The following PDYN variants were observed in gnomAD, a reference collection of about 807,000 sequenced individuals.
PDYN encodes the protein prodynorphin.
PDYN carries 5 observed loss-of-function variants against 11.4 expected under a neutral mutation model. That is an observed-to-expected ratio of 0.44 (90% CI 0.23 to 0.92). The LOEUF (loss-of-function observed/expected upper bound fraction) is 0.92, where lower values mean the gene tolerates loss of function less well. Among genes scored for constraint, PDYN ranks in the 40% least tolerant of loss-of-function variants. PDYN has a pLI of 0.24. For missense variants in PDYN, 337 were observed against 317.3 expected, an observed-to-expected ratio of 1.06 and a Z score of -0.47; for synonymous variants, 132 against 129.5, an observed-to-expected ratio of 1.02 and a Z score of -0.13.
intron 3 of PDYN, among the ~76,000 whole-genome samples, chr20:1,982,176 G>T (rs1456705555): frequency 6.6e-6 from 1 of 152,138 alleles, no homozygotes; most frequent in African/African-American, 2.4e-5. Context: ...AGAATCATTT[G>T]AACCCAGGAG....
chr20:1,980,348 T>C lies in PDYN; in HGVS notation c.740A>G (p.Tyr247Cys). Residue 247 changes from tyrosine to cysteine, a missense_variant, in exon 4 of 4, where the codon TAC becomes TGC. Coordinates refer to ENST00000217305, the MANE Select transcript of PDYN (RefSeq NM_024411.5). ...TTATGCATCAAAAAGCTCTCCAGAG[T>C]AAGCATTCGGATCTTCCTGAGACCG... The part of the protein sequence containing the change: ...VTRSQEDPNA[Y>C]SGELFDA 6.2e-7 allele frequency: 1 copy of C among 1,614,018 alleles called. No homozygotes were observed. The highest frequency in any genetic ancestry group is 8.5e-7 in the Non-Finnish European group (1 of 1,179,996).
chr20:1,983,120 A>G lies in PDYN; in HGVS notation c.-19-17T>C. The G allele has an allele frequency of 6.2e-7, 1 of 1,606,354 alleles. No homozygotes were observed. Among genetic ancestry groups the G allele is most frequent in the Non-Finnish European group, 8.5e-7 (1 of 1,177,026 alleles). On this transcript the variant is annotated splice_polypyrimidine_tract_variant and intron_variant, in intron 2 of 3. Coordinates refer to ENST00000217305, the MANE Select transcript of PDYN (RefSeq NM_024411.5). ...CAATTCCTGCTGGGGAGGAAGAAAG[A>G]GAAGATAATGAAATCTGTGATCACC...
In PDYN at chr20:1,979,764, A is replaced by G. The variant is rs970087654; in HGVS notation, c.*559T>C. On this transcript the variant is annotated 3_prime_UTR_variant, in exon 4 of 4. Coordinates refer to ENST00000217305, the MANE Select transcript of PDYN (RefSeq NM_024411.5). Reference sequence around the variant, plus strand: ...AATGTTTAAGCTTTTTACCTAAAGCATCGTCTCCAAAGTCAGGTGCACAGG... The same window carrying G: ...AATGTTTAAGCTTTTTACCTAAAGCGTCGTCTCCAAAGTCAGGTGCACAGG... The G allele has an allele frequency of 1.8e-5, 3 of 167,098 alleles. No homozygotes were observed. Among genetic ancestry groups the G allele is most frequent in the Non-Finnish European group, 4.0e-5 (3 of 75,570 alleles). The allele number at this position is 167,098 out of a possible 1,614,324, so 10.4% of individuals were successfully genotyped here. A position where few individuals can be genotyped will look rare whatever the true frequency, so the allele number is the denominator to read the frequency against.
At position 1,980,342 on chromosome 20, in the gene PDYN, C is replaced by G; in HGVS notation, c.746G>C (p.Gly249Ala). The G allele has an allele frequency of 6.2e-7, 1 of 1,614,110 alleles. No homozygotes were observed. The highest frequency in any genetic ancestry group is 1.3e-5 in the African/African-American group (1 of 75,010). ...AGGTGCTTATGCATCAAAAAGCTCT[C>G]CAGAGTAAGCATTCGGATCTTCCTG... ...RSQEDPNAYS[G>A]ELFDA The change falls in exon 4 of 4, where the codon GGA becomes GCA. Residue 249 changes from glycine to alanine, a missense_variant. Physicochemically the swap from Gly to Ala is moderately conservative, Grantham distance 60. Transcript: ENST00000217305.
In PDYN at chr20:1,980,803, C is replaced by T. The variant is rs766025068; in HGVS notation, c.285G>A (p.Leu95=). ...KSVGEGPYSE[L]AKLSGSFLKE... is the part of the protein sequence containing the mutation. ...TCAGGAATGACCCAGAGAGCTTGGC[C>T]AGCTCACTGTAGGGCCCTTCCCCAA... Residue 95 remains leucine (L), a synonymous_variant, in exon 4 of 4, where the codon CTG becomes CTA. Coordinates refer to ENST00000217305, the MANE Select transcript of PDYN (RefSeq NM_024411.5). 6.2e-7 allele frequency: 1 copy of T among 1,614,178 alleles called. No individual in the cohort carries two copies. The highest frequency in any genetic ancestry group is 8.5e-7 in the Non-Finnish European group (1 of 1,180,036).
Position 1,980,823 on chromosome 20 carries a change from C to A in PDYN, c.265G>T (p.Glu89Ter). 1 of 1,614,208 alleles carries A rather than the reference C, an allele frequency of 6.2e-7. No individual in the cohort carries two copies. Among genetic ancestry groups the A allele is most frequent in the Non-Finnish European group, 8.5e-7 (1 of 1,180,024 alleles). The change falls in exon 4 of 4, where the codon GAA becomes TAA. Residue 89 changes from glutamate to a stop codon, truncating the protein, a stop_gained. Transcript: ENST00000217305. LOFTEE classifies it low-confidence loss of function (END_TRUNC). ...TTGGCCAGCTCACTGTAGGGCCCTT[C>A]CCCAACCGACTTGCTCCCCAAGTCC... ...KEDLGSKSVG[E>*]GPYSELAKLS...
At position 1,980,676 on chromosome 20, in the gene PDYN, T is replaced by A; in HGVS notation, c.412A>T (p.Arg138Trp). 6.2e-7 allele frequency: 1 copy of A among 1,614,206 alleles called. No homozygotes were observed. The change falls in exon 4 of 4, where the codon AGG (arginine) becomes TGG (tryptophan). Residue 138 changes from arginine to tryptophan, a missense_variant. Transcript: ENST00000217305. ...ATCAGCTCAGACTCTGCTCCCTCCC[T>A]AAACCCGTCAGAGAGACCCCTGAGC... is the stretch of plus-strand genomic sequence containing the variant. The part of the protein sequence containing the change: ...EKLRGLSDGF[R>W]EGAESELMRD...
chr20:1,983,200 C>T, intron 2 of PDYN, 97 bp from the exon 3 acceptor site: 1 of 1,025,628 alleles, frequency 9.8e-7, no homozygotes, highest in Non-Finnish European at 1.4e-6. Context: ...CTGCCCACAG[C>T]ACTGCAAAGC....
At chr20:1,983,453 G>A (rs902039076) in intron 2 of PDYN, among the ~76,000 whole-genome samples, 25 of 152,208 alleles carry the variant, frequency 1.6e-4, no homozygotes, top group Non-Finnish European at 3.2e-4. Flanking sequence ...GACAAGCCAC[G>A]ACTTGCTCTG....
In PDYN at chr20:1,993,052, CTTTT is replaced by C. The variant is rs57340342; in HGVS notation, c.-79-413_-79-410del. Reference sequence around the variant, plus strand: ...CTTCAACCTTGGAGTAGTCAGCAGGCTTTTTTTTTTTTTTTTTTTTTCCTGAAAC... The same window carrying C: ...CTTCAACCTTGGAGTAGTCAGCAGGCTTTTTTTTTTTTTTTTTCCTGAAAC... On this transcript the variant is annotated intron_variant, in intron 1 of 3. Transcript: ENST00000217305. Among the ~76,000 whole-genome samples, 166 of 115,382 alleles carry C rather than the reference CTTTT, an allele frequency of 1.4e-3. 1 individual carries two copies. Among genetic ancestry groups the C allele is most frequent in the East Asian group, 9.4e-3 (39 of 4,156 alleles). 75.7% of individuals were successfully genotyped at this position (115,382 alleles called of 152,430 possible). A position where few individuals can be genotyped will look rare whatever the true frequency, so the allele number is the denominator to read the frequency against.
At chr20:1,990,568 C>T (rs1035058181) in intron 2 of PDYN, among the ~76,000 whole-genome samples, 2 of 152,292 alleles carry the variant, frequency 1.3e-5, no homozygotes, top group East Asian at 1.9e-4. Flanking sequence ...AGCACAGAAT[C>T]GGATGAGGGT....
rs925949689 is a variant in PDYN, at chr20:1,992,576, T to A, written c.-20+8A>T. On this transcript the variant is annotated splice_region_variant and intron_variant, in intron 2 of 3. Coordinates refer to ENST00000217305, the MANE Select transcript of PDYN (RefSeq NM_024411.5). ...GAACGCAAACCACCCCCAGGCAGCA[T>A]AACTCACCGGCTTGGGCTGCTGCAA... The A allele has an allele frequency of 6.6e-6, 1 of 152,244 alleles. No individual in the cohort carries two copies. Among genetic ancestry groups the A allele is most frequent in the Non-Finnish European group, 1.5e-5 (1 of 68,094 alleles). The allele number at this position is 152,244 out of a possible 1,614,324, so 9.4% of individuals were successfully genotyped here.
intron 3 of PDYN, among the ~76,000 whole-genome samples, chr20:1,982,265 A>G (rs746315261): frequency 6.6e-6 from 1 of 152,288 alleles, no homozygotes; most frequent in East Asian, 1.9e-4. Context: ...TCGGAAAAAT[A>G]AATAAATAAT....
In PDYN at chr20:1,980,557, G is replaced by A. The variant is rs548894007; in HGVS notation, c.531C>T (p.Gly177=). 4 of 1,613,978 alleles carry A rather than the reference G, an allele frequency of 2.5e-6. No individual in the cohort carries two copies. The highest frequency in any genetic ancestry group is 2.7e-5 in the African/African-American group (2 of 74,964). ...DPKEQVKRYG[G]FLRKYPKRSS... is the part of the protein sequence containing the mutation. ...TCCTCTTGGGGTATTTGCGCAAAAA[G>A]CCCCCATAGCGTTTGACCTGCTCCT... Residue 177 remains glycine, a synonymous_variant, in exon 4 of 4, where the codon GGC becomes GGT. Coordinates refer to ENST00000217305, the MANE Select transcript of PDYN (RefSeq NM_024411.5).
intron 2 of PDYN, among the ~76,000 whole-genome samples, chr20:1,985,041 G>A (rs1014748705): frequency 6.6e-6 from 1 of 152,060 alleles, no homozygotes; most frequent in Non-Finnish European, 1.5e-5. Context: ...CCTGGCCAGG[G>A]GCTTCATGCT....
chr20:1,987,502 G>A (rs957829660), intron 2 of PDYN, among the ~76,000 whole-genome samples: 8 of 152,192 alleles, frequency 5.3e-5, no homozygotes, highest in Non-Finnish European at 8.8e-5. Context: ...CGCCACCCGC[G>A]GAACCACCTG....
At chr20:1,983,589 G>A (rs1461817290) in intron 2 of PDYN, among the ~76,000 whole-genome samples, 1 of 152,094 alleles carries the variant, frequency 6.6e-6, no homozygotes, top group African/African-American at 2.4e-5. Context: ...CAGTCCTTTC[G>A]GCTGTGTGAG....
Position 1,980,752 on chromosome 20 carries a change from G to A in PDYN, c.336C>T (p.Leu112=), listed in dbSNP as rs996129455. ...TGTTCTCCTTTGTTGAGATACTTGG[G>A]AGAAACTTGCTTTTCTCCAGCTCCT... ...FLKELEKSKF[L]PSISTKENTL... Residue 112 remains leucine, a synonymous_variant, in exon 4 of 4, where the codon CTC becomes CTT. Coordinates refer to ENST00000217305, the MANE Select transcript of PDYN (RefSeq NM_024411.5). 1.2e-6 allele frequency: 2 copies of A among 1,614,170 alleles called. No individual in the cohort carries two copies. Among genetic ancestry groups the A allele is most frequent in the South Asian group, 2.2e-5 (2 of 91,086 alleles).
chr20:1,980,879 G>A lies in PDYN; in HGVS notation c.209C>T (p.Thr70Ile), dbSNP rs759270820. ...GTCATTGAGCCCAAGGGTGGAGGGG[G>A]TGAAAAAAGACAGAAAGCTCTGGCA... ...ERCQSFLSFF[T>I]PSTLGLNDKE... Residue 70 changes from threonine (T) to isoleucine (I), a missense_variant, in exon 4 of 4, where the codon ACC (threonine) becomes ATC (isoleucine). Transcript: ENST00000217305. 6.2e-7 allele frequency: 1 copy of A among 1,614,198 alleles called. No individual in the cohort carries two copies. The highest frequency in any genetic ancestry group is 1.3e-5 in the African/African-American group (1 of 75,050).
Sources: allele counts gnomAD v4.1 joint callset (sites outside exome capture counted in the v4.1 genomes callset), GRCh38; gene constraint gnomAD v4.1.1; transcripts MANE v1.5; gene names NCBI Gene and HGNC (gene_info 2026-07-23, HGNC 2026-07-21).